Variants in KBTBD12 observed in about 807,000 individuals in gnomAD.
KBTBD12 encodes kelch repeat and BTB domain-containing protein 12.
KBTBD12 carries 53 observed loss-of-function variants against 58.7 expected under a neutral mutation model. The observed-to-expected ratio is 0.90, with a 90% CI of 0.72 to 1.14. The LOEUF (loss-of-function observed/expected upper bound fraction) is 1.14. KBTBD12 is among the 50% of genes most tolerant of loss of function. The pLI is 0.00. For missense variants in KBTBD12, 704 were observed against 751.3 expected (o/e 0.94, Z 0.74); for synonymous variants, 236 against 259.8 (o/e 0.91, Z 0.88).
In KBTBD12 at chr3:127,927,847, A is replaced by G. The variant is rs1939612272; in HGVS notation, c.1154A>G (p.Asn385Ser). 1 of 1,612,104 alleles carries G rather than the reference A, an allele frequency of 6.2e-7. No individual in the cohort carries two copies. The highest frequency in any genetic ancestry group is 8.5e-7 in the Non-Finnish European group (1 of 1,178,670). The change falls in exon 3 of 6, where the codon AAT becomes AGT. Residue 385 changes from asparagine (N) to serine (S), a missense_variant. Physicochemically the swap from Asn to Ser is conservative, Grantham distance 46 (BLOSUM62 1). Coordinates refer to ENST00000405109, the MANE Select transcript of KBTBD12 (RefSeq NM_207335.4). Reference protein sequence around the residue: ...RELYALGSIHNDLYVIGGQMK... With the variant: ...RELYALGSIHSDLYVIGGQMK... The stretch of plus-strand genomic sequence containing the variant: ...CTCTATGCTCTGGGCAGTATTCATA[A>G]TGACCTTTATGTTATAGGAGGACAG...
At chr3:127,981,219 C>A (rs921507928) in intron 5 of KBTBD12, among the ~76,000 whole-genome samples, 2 of 152,194 alleles carry the variant, frequency 1.3e-5, no homozygotes, top group Non-Finnish European at 2.9e-5. Context: ...TCTAAGATAG[C>A]TTGTTCCATG....
At chr3:127,942,962 A>T (rs1415771082) in intron 4 of KBTBD12, among the ~76,000 whole-genome samples, 1 of 152,102 alleles carries the variant, frequency 6.6e-6, no homozygotes, top group African/African-American at 2.4e-5. Context: ...TCTTGCATTA[A>T]CTAATTTATT....
At chr3:127,955,674 C>G (rs1156282795) in intron 4 of KBTBD12, among the ~76,000 whole-genome samples, 1 of 152,120 alleles carries the variant, frequency 6.6e-6, no homozygotes, top group African/African-American at 2.4e-5. Flanking sequence ...TGAAAAAAAT[C>G]ACAGGATTGC....
At chr3:127,940,398 G>C (rs372759982) in intron 4 of KBTBD12, among the ~76,000 whole-genome samples, 4 of 152,196 alleles carry the variant, frequency 2.6e-5, no homozygotes, top group African/African-American at 9.6e-5. Context: ...TATATTCTCT[G>C]ACCACAGTGG....
chr3:127,952,381 C>G (rs1940226002), intron 4 of KBTBD12, among the ~76,000 whole-genome samples: 1 of 152,064 alleles, frequency 6.6e-6, no homozygotes, highest in Non-Finnish European at 1.5e-5. Flanking sequence ...GTATTTGCTC[C>G]CTAAACTAGA....
chr3:127,943,747 T>C (rs768434183), intron 4 of KBTBD12, among the ~76,000 whole-genome samples: 9 of 152,168 alleles, frequency 5.9e-5, no homozygotes, highest in Non-Finnish European at 1.3e-4. Flanking sequence ...TGGTGTCATA[T>C]TCAAAAAATT....
At chr3:127,970,142 A>G (rs1940655456) in intron 5 of KBTBD12, among the ~76,000 whole-genome samples, 1 of 152,246 alleles carries the variant, frequency 6.6e-6, no homozygotes, top group African/African-American at 2.4e-5. Flanking sequence ...GGAACAGAAT[A>G]GACACTTGTC....
At chr3:127,929,071 C>CT (rs1355524069) in intron 3 of KBTBD12, among the ~76,000 whole-genome samples, 2 of 151,818 alleles carry the variant, frequency 1.3e-5, no homozygotes, top group East Asian at 3.9e-4. Flanking sequence ...GCCCCAAAAA[C>CT]AACTTAGAGG....
At chr3:127,944,904 G>A (rs942642626) in intron 4 of KBTBD12, among the ~76,000 whole-genome samples, 3 of 151,180 alleles carry the variant, frequency 2.0e-5, no homozygotes. Flanking sequence ...TTTTTTGAGA[G>A]AGGGTCTTGC....
At chr3:127,941,072 A>G (rs1939939909) in intron 4 of KBTBD12, among the ~76,000 whole-genome samples, 1 of 152,208 alleles carries the variant, frequency 6.6e-6, no homozygotes, top group South Asian at 2.1e-4. Flanking sequence ...CAAAAAATAA[A>G]TATCTAGTTC....
At chr3:127,931,282 C>G (rs531440062) in intron 4 of KBTBD12, among the ~76,000 whole-genome samples, 1 of 152,170 alleles carries the variant, frequency 6.6e-6, no homozygotes, top group East Asian at 1.9e-4. Context: ...AATTAATGCA[C>G]TCAAGCATTA....
intron 4 of KBTBD12, among the ~76,000 whole-genome samples, chr3:127,959,382 G>C (rs1940385569): frequency 6.6e-6 from 1 of 152,200 alleles, no homozygotes. Context: ...CCTGAAGCCT[G>C]AGAGGAAGGC....
chr3:127,924,042 T>C lies in KBTBD12; in HGVS notation c.981T>C (p.Val327=). 5 of 1,613,660 alleles carry C rather than the reference T, an allele frequency of 3.1e-6. No individual in the cohort carries two copies. Among genetic ancestry groups the C allele is most frequent in the Non-Finnish European group, 4.2e-6 (5 of 1,179,610 alleles). ...GEGLGTVCTG[V]VMENNTIIVA... Reference sequence around the variant, plus strand: ...GTTTAGGAACTGTGTGTACTGGTGTTGTCATGGAAAATAATACTATAATTG... The same window carrying C: ...GTTTAGGAACTGTGTGTACTGGTGTCGTCATGGAAAATAATACTATAATTG... The change falls in exon 2 of 6, where the codon GTT becomes GTC. Residue 327 remains valine, a synonymous_variant. Transcript: ENST00000405109.
At chr3:127,973,661 T>C (rs1940724930) in intron 5 of KBTBD12, among the ~76,000 whole-genome samples, 2 of 152,118 alleles carry the variant, frequency 1.3e-5, no homozygotes, top group East Asian at 1.9e-4. Flanking sequence ...TGTGTGTGTA[T>C]GGGGTGGGGA....
chr3:127,975,978 AT>A (rs1940776381), intron 5 of KBTBD12, among the ~76,000 whole-genome samples: 1 of 152,254 alleles, frequency 6.6e-6, no homozygotes, highest in Non-Finnish European at 1.5e-5. Context: ...AGAAAATGGT[AT>A]AATGAATACC....
intron 5 of KBTBD12, among the ~76,000 whole-genome samples, chr3:127,972,938 A>G (rs1359642832): frequency 2.0e-5 from 3 of 152,204 alleles, no homozygotes; most frequent in African/African-American, 7.2e-5. Context: ...TGGATGCTAA[A>G]AGCATCGGTT....
Position 127,920,283 on chromosome 3 carries a change from A to G in KBTBD12, c.-112-2667A>G, listed in dbSNP as rs147440665. Among the ~76,000 whole-genome samples the G allele has an allele frequency of 4.5e-3, 678 of 152,300 alleles. 1 individual carries two copies. The highest frequency in any genetic ancestry group is 7.1e-3 in the Non-Finnish European group (485 of 68,004). ...ATTAGAACATATAATATTGCTTTGC[A>G]TATTAGAAATATATCAGTGGTATGT... On this transcript the variant is annotated intron_variant, in intron 1 of 5. Coordinates refer to ENST00000405109, the MANE Select transcript of KBTBD12 (RefSeq NM_207335.4).
intron 5 of KBTBD12, among the ~76,000 whole-genome samples, chr3:127,978,916 G>A (rs2107617489): frequency 6.6e-6 from 1 of 152,312 alleles, no homozygotes; most frequent in African/African-American, 2.4e-5. Context: ...AAGGAAGATT[G>A]CAGACAGGAG....
intron 4 of KBTBD12, among the ~76,000 whole-genome samples, chr3:127,931,173 C>G (rs577832946): frequency 2.2e-4 from 33 of 151,864 alleles, no homozygotes; most frequent in Middle Eastern, 3.4e-3. Context: ...GGAATGGAAG[C>G]AAACTAAGCA....
Sources: gnomAD v4.1 joint callset for allele counts (sites outside exome capture counted in the v4.1 genomes callset) on GRCh38, gnomAD v4.1.1 for gene constraint, MANE v1.5 for transcripts, NCBI Gene and HGNC (gene_info 2026-07-23, HGNC 2026-07-21) for gene names.